Variants in ZNF385D observed in about 807,000 individuals in gnomAD.
ZNF385D encodes zinc finger protein 659.
A neutral mutation model predicts 35.8 loss-of-function variants in ZNF385D; 15 were observed. That is an observed-to-expected ratio of 0.42 (90% CI 0.28 to 0.64). The LOEUF (loss-of-function observed/expected upper bound fraction) is 0.64. ZNF385D is among the 30% of genes least tolerant of loss of function. ZNF385D has a pLI of 0.23. For missense variants in ZNF385D, 474 were observed against 494.6 expected (o/e 0.96, Z 0.39); for synonymous variants, 212 against 186.8 (o/e 1.13, Z -1.10).
intron 3 of ZNF385D, among the ~76,000 whole-genome samples, chr3:21,800,655 T>C (rs1281036501): frequency 6.6e-6 from 1 of 152,184 alleles, no homozygotes; most frequent in Non-Finnish European, 1.5e-5. Flanking sequence ...CAAGTGTTTT[T>C]ATTCTATTGT....
intron 3 of ZNF385D, among the ~76,000 whole-genome samples, chr3:22,066,211 G>A (rs76657345): frequency 0.013 from 2,031 of 151,984 alleles, 25 homozygotes; most frequent in Middle Eastern, 0.034. Context: ...GTTATGCTCA[G>A]AAAAGAAAAG....
rs116183385 is a variant in ZNF385D, at chr3:22,327,830, A to T, written c.106+44620T>A. ...TGTGCTTTGTGAATGTTGACCTTGT[A>T]TGGAAGAGAACATTGCTATTTCTTA... On this transcript the variant is annotated intron_variant, in intron 2 of 5. Transcript: ENST00000494108. Among the ~76,000 whole-genome samples the T allele has an allele frequency of 9.3e-3, 1,411 of 152,326 alleles. 20 individuals carry two copies. The highest frequency in any genetic ancestry group is 0.031 in the African/African-American group (1,309 of 41,570).
At chr3:21,940,653 T>C (rs905900724) in intron 3 of ZNF385D, among the ~76,000 whole-genome samples, 1 of 152,148 alleles carries the variant, frequency 6.6e-6, no homozygotes, top group Non-Finnish European at 1.5e-5. Context: ...ATTATAAATA[T>C]GTAATATAGT....
intron 2 of ZNF385D, among the ~76,000 whole-genome samples, chr3:21,578,074 C>G (rs773847629): frequency 5.3e-5 from 8 of 152,044 alleles, no homozygotes; most frequent in Non-Finnish European, 7.4e-5. Context: ...TCCCGGCTTC[C>G]CAAAGTGCTG....
At chr3:22,335,320 T>C (rs1428385402) in intron 2 of ZNF385D, among the ~76,000 whole-genome samples, 1 of 152,172 alleles carries the variant, frequency 6.6e-6, no homozygotes, top group Non-Finnish European at 1.5e-5. Context: ...AGACAAGTCA[T>C]GAACATTGTG....
At chr3:21,896,157 C>T (rs1699123617) in intron 3 of ZNF385D, among the ~76,000 whole-genome samples, 1 of 152,040 alleles carries the variant, frequency 6.6e-6, no homozygotes, top group Non-Finnish European at 1.5e-5. Flanking sequence ...TCTATGTTTC[C>T]ACTGGCAAGA....
intron 2 of ZNF385D, among the ~76,000 whole-genome samples, chr3:22,231,028 A>G (rs1308719708): frequency 6.6e-6 from 1 of 152,150 alleles, no homozygotes; most frequent in Non-Finnish European, 1.5e-5. Context: ...ATCTACCCCA[A>G]TATTGGGAGA....
chr3:21,598,600 AAAATAT>A (rs2064191761), intron 2 of ZNF385D, among the ~76,000 whole-genome samples: 1 of 152,202 alleles, frequency 6.6e-6, no homozygotes, highest in South Asian at 2.1e-4. Context: ...AGAGTCTCAA[AAAATAT>A]CTGTCGACTT....
chr3:22,109,468 G>A (rs1702395931), intron 3 of ZNF385D, among the ~76,000 whole-genome samples: 1 of 152,212 alleles, frequency 6.6e-6, no homozygotes, highest in Middle Eastern at 3.4e-3. Flanking sequence ...CTTCTTGCTG[G>A]GTAGTGGACA....
chr3:22,023,433 C>A (rs1225980346), intron 3 of ZNF385D, among the ~76,000 whole-genome samples: 1 of 152,064 alleles, frequency 6.6e-6, no homozygotes, highest in Non-Finnish European at 1.5e-5. Flanking sequence ...GCATAGACCA[C>A]TAAAAAGGAT....
At chr3:21,793,675 G>A (rs2072022609) in intron 3 of ZNF385D, among the ~76,000 whole-genome samples, 1 of 152,172 alleles carries the variant, frequency 6.6e-6, no homozygotes, top group Non-Finnish European at 1.5e-5. Context: ...AGCGATGGGA[G>A]CAAAACAAAC....
chr3:22,184,163 C>CT (rs1226238949), intron 2 of ZNF385D, among the ~76,000 whole-genome samples: 7 of 152,080 alleles, frequency 4.6e-5, no homozygotes, highest in African/African-American at 1.7e-4. Flanking sequence ...TCCAGCAAAC[C>CT]CTTCACCCCT....
intron 2 of ZNF385D, among the ~76,000 whole-genome samples, chr3:21,610,464 T>C (rs964233227): frequency 6.6e-6 from 1 of 152,148 alleles, no homozygotes; most frequent in Non-Finnish European, 1.5e-5. Context: ...ACAAACTTAC[T>C]GGCTTAAAAC....
rs746138066 is a variant in ZNF385D, at chr3:21,602,517, C to CTTTTTTTTTTTTTTTTTTTTTTTT, written c.166-37857_166-37834dup. 1.9e-4 allele frequency among the ~76,000 whole-genome samples: 12 copies of CTTTTTTTTTTTTTTTTTTTTTTTT among 62,708 alleles called. 3 individuals are homozygous for CTTTTTTTTTTTTTTTTTTTTTTTT. Among genetic ancestry groups the CTTTTTTTTTTTTTTTTTTTTTTTT allele is most frequent in the African/African-American group, 3.0e-4 (4 of 13,242 alleles). The allele number at this position is 62,708 out of a possible 152,430, so 41.1% of individuals were successfully genotyped here. ...TAGGTCTCCTGTTTCCCTGCATTTT[C>CTTTTTTTTTTTTTTTTTTTTTTTT]TTTTTTTTTTTTTTTTTTTTTTTTT... On this transcript the variant is annotated intron_variant, in intron 2 of 7. Coordinates refer to ENST00000281523, the MANE Select transcript of ZNF385D (RefSeq NM_024697.3).
At chr3:22,295,409 G>A (rs1702517802) in intron 2 of ZNF385D, among the ~76,000 whole-genome samples, 1 of 152,102 alleles carries the variant, frequency 6.6e-6, no homozygotes, top group Admixed American at 6.6e-5. Context: ...CAAAGGCTGT[G>A]ATCTGACTCC....
chr3:22,150,748 A>G (rs937680231), intron 3 of ZNF385D, among the ~76,000 whole-genome samples: 1 of 152,068 alleles, frequency 6.6e-6, no homozygotes, highest in South Asian at 2.1e-4. Context: ...CCAGACTAAA[A>G]TTTAAACATA....
chr3:22,313,186 G>A (rs996014400), intron 2 of ZNF385D, among the ~76,000 whole-genome samples: 20 of 150,806 alleles, frequency 1.3e-4, no homozygotes, highest in Non-Finnish European at 2.4e-4. Context: ...ACTCAAAGGT[G>A]GGAAATGAAC....
chr3:22,151,324 A>G (rs1225968216), intron 3 of ZNF385D, among the ~76,000 whole-genome samples: 1 of 152,142 alleles, frequency 6.6e-6, no homozygotes, highest in East Asian at 1.9e-4. Flanking sequence ...GAGAAAGAAA[A>G]TGTCTAATGT....
At chr3:22,030,952 C>T (rs1486530459) in intron 3 of ZNF385D, among the ~76,000 whole-genome samples, 1 of 152,152 alleles carries the variant, frequency 6.6e-6, no homozygotes, top group African/African-American at 2.4e-5. Context: ...AACAAAGGTG[C>T]CACAGGCCCC....
Sources: gnomAD v4.1 joint callset for allele counts (sites outside exome capture counted in the v4.1 genomes callset) on GRCh38, gnomAD v4.1.1 for gene constraint, MANE v1.5 for transcripts, NCBI Gene and HGNC (gene_info 2026-07-23, HGNC 2026-07-21) for gene names.